Variants in NRG1 observed in about 807,000 individuals in gnomAD.
The protein encoded by NRG1 is neuregulin 1.
Under a neutral mutation model 63.8 loss-of-function variants are expected in NRG1, and 18 were observed. The ratio of observed to expected loss-of-function variants is 0.28; its 90% CI spans 0.19 to 0.42. NRG1 has a LOEUF of 0.42. Among genes scored for constraint, NRG1 ranks in the 10% least tolerant of loss-of-function variants. The pLI, the probability that NRG1 is intolerant of heterozygous loss-of-function variation, is 1.00. For missense variants in NRG1, 762 were observed against 814.7 expected (o/e 0.94, Z 0.79); for synonymous variants, 302 against 301.3 (o/e 1.00, Z -0.02).
At chr8:32,620,973 A>G (rs1157994251) in intron 5 of NRG1, among the ~76,000 whole-genome samples, 1 of 152,194 alleles carries the variant, frequency 6.6e-6, no homozygotes, top group African/African-American at 2.4e-5. Context: ...TATATTTTAT[A>G]GGTCACTGTA....
chr8:31,717,478 G>A (rs1413444595), intron 1 of NRG1, among the ~76,000 whole-genome samples: 1 of 151,112 alleles, frequency 6.6e-6, no homozygotes, highest in Non-Finnish European at 1.5e-5. Flanking sequence ...GGTGAGAAGA[G>A]AAAATTTATT....
intron 1 of NRG1, among the ~76,000 whole-genome samples, chr8:32,516,062 T>C (rs988771899): frequency 3.9e-5 from 6 of 152,230 alleles, no homozygotes; most frequent in Non-Finnish European, 7.3e-5. Flanking sequence ...TGTTTAAATA[T>C]TTAATTCATC....
At chr8:32,605,451 A>G (rs2129539461) in intron 2 of NRG1, 111 bp from the exon 3 acceptor site, 3 of 1,208,544 alleles carry the variant, frequency 2.5e-6, no homozygotes, top group Non-Finnish European at 2.4e-6. Flanking sequence ...TAACATATGT[A>G]TAAGGTGGGG....
Position 32,558,230 on chromosome 8 carries a change from A to T in NRG1, c.100+9404A>T, listed in dbSNP as rs139339818. On this transcript the variant is annotated intron_variant, in intron 1 of 11. Transcript: ENST00000356819. The stretch of plus-strand genomic sequence containing the variant: ...TTGACTGAAAGAGCCTCTACATTGG[A>T]CTGTGCATGGCGTGGGGAAATGTGA... Among the ~76,000 whole-genome samples the T allele has an allele frequency of 7.0e-3, 1,066 of 152,280 alleles. 7 individuals carry two copies. Among genetic ancestry groups the T allele is most frequent in the African/African-American group, 0.024 (980 of 41,550 alleles).
chr8:31,870,485 A>T (rs187437179), intron 1 of NRG1, among the ~76,000 whole-genome samples: 1 of 152,190 alleles, frequency 6.6e-6, no homozygotes, highest in Non-Finnish European at 1.5e-5. Flanking sequence ...GTCTTGAAGA[A>T]AAATGAAAAA....
At chr8:32,305,256 C>A (rs1856051721) in intron 1 of NRG1, among the ~76,000 whole-genome samples, 1 of 151,914 alleles carries the variant, frequency 6.6e-6, no homozygotes, top group Admixed American at 6.6e-5. Flanking sequence ...AAAGTACTTG[C>A]ATTCTACTTA....
At chr8:31,765,316 A>G (rs1053502972) in intron 1 of NRG1, among the ~76,000 whole-genome samples, 1 of 152,088 alleles carries the variant, frequency 6.6e-6, no homozygotes, top group Non-Finnish European at 1.5e-5. Context: ...TCAGTCTACC[A>G]TTTATTTCGT....
intron 1 of NRG1, among the ~76,000 whole-genome samples, chr8:31,904,266 C>G (rs187451426): frequency 6.6e-6 from 1 of 152,282 alleles, no homozygotes; most frequent in African/African-American, 2.4e-5. Context: ...AGAAGAATCT[C>G]TCTTCTAAGA....
chr8:32,454,479 C>T (rs1821349975), intron 1 of NRG1, among the ~76,000 whole-genome samples: 1 of 149,552 alleles, frequency 6.7e-6, no homozygotes, highest in Non-Finnish European at 1.5e-5. Context: ...AATTCAAGGG[C>T]AATTAAAAAC....
At chr8:32,588,230 T>A (rs927104695) in intron 1 of NRG1, among the ~76,000 whole-genome samples, 1 of 152,164 alleles carries the variant, frequency 6.6e-6, no homozygotes, top group Non-Finnish European at 1.5e-5. Context: ...GCCCTCTACA[T>A]GTTTTTTAAG....
At chr8:32,579,195 CTTTTTTTTTTTTT>C (rs71208196) in intron 1 of NRG1, among the ~76,000 whole-genome samples, 1 of 105,440 alleles carries the variant, frequency 9.5e-6, no homozygotes, top group South Asian at 3.6e-4. Context: ...TTTCTTCTGT[CTTTTTTTTTTTTT>C]TTTTTTTTTG....
chr8:31,915,196 T>C (rs1421345297), intron 1 of NRG1, among the ~76,000 whole-genome samples: 1 of 152,102 alleles, frequency 6.6e-6, no homozygotes, highest in Non-Finnish European at 1.5e-5. Flanking sequence ...ACTCTGTTTT[T>C]GGTTAATTTT....
intron 1 of NRG1, among the ~76,000 whole-genome samples, chr8:31,655,259 C>T (rs970975947): frequency 1.3e-5 from 2 of 152,128 alleles, no homozygotes; most frequent in Non-Finnish European, 2.9e-5. Flanking sequence ...ATTAGACATG[C>T]CCCTTTCTGA....
intron 5 of NRG1, among the ~76,000 whole-genome samples, chr8:32,652,467 C>A (rs915623175): frequency 6.6e-6 from 1 of 152,034 alleles, no homozygotes; most frequent in South Asian, 2.1e-4. Flanking sequence ...TTTTGTGATA[C>A]CCAACTCAGA....
chr8:31,892,645 T>C (rs796548), intron 1 of NRG1, among the ~76,000 whole-genome samples: 1 of 151,756 alleles, frequency 6.6e-6, no homozygotes, highest in Non-Finnish European at 1.5e-5. Context: ...TCTGGGGGTT[T>C]GATAATCCCT....
At chr8:32,482,000 A>G (rs1198778773) in intron 1 of NRG1, among the ~76,000 whole-genome samples, 1 of 152,206 alleles carries the variant, frequency 6.6e-6, no homozygotes, top group Non-Finnish European at 1.5e-5. Context: ...GAATACTAAG[A>G]TGAGTTTATT....
intron 1 of NRG1, among the ~76,000 whole-genome samples, chr8:31,697,040 G>A (rs543967018): frequency 6.6e-6 from 1 of 152,174 alleles, no homozygotes; most frequent in Admixed American, 6.5e-5. Flanking sequence ...ACTTTGTGCT[G>A]TGGATTTAGT....
At chr8:31,976,343 A>G (rs138784832) in intron 1 of NRG1, among the ~76,000 whole-genome samples, 1 of 151,910 alleles carries the variant, frequency 6.6e-6, no homozygotes, top group Non-Finnish European at 1.5e-5. Context: ...TCATCTTTGT[A>G]GGTTTCTGAG....
intron 1 of NRG1, among the ~76,000 whole-genome samples, chr8:31,864,780 G>T (rs1389158027): frequency 6.6e-6 from 1 of 152,152 alleles, no homozygotes; most frequent in Non-Finnish European, 1.5e-5. Flanking sequence ...GCATTTTGAA[G>T]AATCTCTGCT....
Sources: gnomAD v4.1 joint callset for allele counts (sites outside exome capture counted in the v4.1 genomes callset) on GRCh38, gnomAD v4.1.1 for gene constraint, MANE v1.5 for transcripts, NCBI Gene and HGNC (gene_info 2026-07-23, HGNC 2026-07-21) for gene names.